The following TENM1 variants were observed in gnomAD, a reference collection of about 807,000 sequenced individuals.
TENM1 encodes teneurin transmembrane protein 1.
A neutral mutation model predicts 174.8 loss-of-function variants in TENM1; 35 were observed. The observed-to-expected ratio is 0.20, with a 90% confidence interval of 0.15 to 0.27. TENM1 has a LOEUF of 0.27. TENM1 is among the 10% of genes least tolerant of loss of function. TENM1 has a pLI of 1.00. For synonymous variants in TENM1, 781 were observed against 798.7 expected (o/e 0.98, Z 0.37); for missense variants, 1,633 against 2,130.1 (o/e 0.77, Z 4.59).
intron 6 of TENM1, among the ~76,000 whole-genome samples, chrX:124,658,474 A>C (rs2148408313): frequency 9.0e-6 from 1 of 111,288 alleles, no homozygotes; most frequent in South Asian, 3.8e-4. Context: ...TTTTTTTATT[A>C]CTCTCAACTA....
intron 22 of TENM1, among the ~76,000 whole-genome samples, chrX:124,479,315 T>G (rs1230195639): frequency 2.7e-5 from 3 of 112,131 alleles, no homozygotes; most frequent in Non-Finnish European, 5.6e-5. Flanking sequence ...CTGTCCCAGA[T>G]GGATTAGACA....
chrX:125,070,190 GTAATAA>G, the TENM1 span, among the ~76,000 whole-genome samples: 1,874 of 106,859 alleles, frequency 0.018, 37 homozygotes, highest in African/African-American at 0.052. Flanking sequence ...CCGTGTCCAA[GTAATAA>G]TAATAATAAT....
chrX:124,940,491 C>G (rs777549438), intron 1 of TENM1, among the ~76,000 whole-genome samples: 43 of 111,734 alleles, frequency 3.8e-4, no homozygotes, highest in Non-Finnish European at 7.7e-4. Flanking sequence ...TCTAAACTTT[C>G]TTTTGTTCCC....
chrX:124,860,209 C>T (rs2056887869), intron 3 of TENM1, among the ~76,000 whole-genome samples: 1 of 111,977 alleles, frequency 8.9e-6, no homozygotes. Flanking sequence ...TATTTGCGTA[C>T]AGGACTTTAG....
chrX:124,773,881 G>T (rs2148626761), intron 3 of TENM1, among the ~76,000 whole-genome samples: 1 of 112,088 alleles, frequency 8.9e-6, no homozygotes, highest in East Asian at 2.8e-4. Context: ...ATCAAGGATG[G>T]ATTTAGAGTT....
At chrX:125,148,505 G>A in the TENM1 span, among the ~76,000 whole-genome samples, 2 of 111,470 alleles carry the variant, frequency 1.8e-5, no homozygotes, top group Admixed American at 1.9e-4. Context: ...TATTCTATAT[G>A]CTTTCATTGA....
At chrX:124,688,816 T>A (rs2052441651) in intron 5 of TENM1, 1 of 111,821 alleles carries the variant, frequency 8.9e-6, no homozygotes, top group South Asian at 3.7e-4. Context: ...GGCATGACCA[T>A]TGTTCCTTCT....
intron 1 of TENM1, among the ~76,000 whole-genome samples, chrX:124,951,930 G>C (rs960737637): frequency 9.1e-6 from 1 of 109,766 alleles, no homozygotes; most frequent in Non-Finnish European, 1.9e-5. Context: ...TGGTCCATTG[G>C]CCAGATGCTT....
chrX:124,988,202 T>C, the TENM1 span, among the ~76,000 whole-genome samples: 5 of 111,709 alleles, frequency 4.5e-5, no homozygotes, highest in African/African-American at 1.6e-4. Flanking sequence ...TTATTCAGGC[T>C]TGACCAATTT....
At chrX:124,854,652 T>C (rs375829684) in intron 3 of TENM1, among the ~76,000 whole-genome samples, 1 of 111,725 alleles carries the variant, frequency 9.0e-6, no homozygotes, top group South Asian at 3.7e-4. Flanking sequence ...AAAATACCAA[T>C]TATAAAAAGT....
intron 5 of TENM1, among the ~76,000 whole-genome samples, chrX:124,690,484 A>AGAGT (rs1206405527): frequency 1.8e-4 from 17 of 93,490 alleles, no homozygotes; most frequent in African/African-American, 5.8e-4. Flanking sequence ...GCTTTGTTAG[A>AGAGT]GTGTGTGTGT....
At chrX:125,180,720 A>T in the TENM1 span, among the ~76,000 whole-genome samples, 2 of 110,061 alleles carry the variant, frequency 1.8e-5, no homozygotes, top group African/African-American at 6.6e-5. Context: ...AAGGAAATCC[A>T]TCTATATCTG....
chrX:124,958,561 C>T (rs1177413428), intron 1 of TENM1, among the ~76,000 whole-genome samples: 1 of 111,465 alleles, frequency 9.0e-6, no homozygotes, highest in African/African-American at 3.3e-5. Flanking sequence ...GATCATCACT[C>T]TCATGATGGC....
chrX:125,096,094 T>G, the TENM1 span, among the ~76,000 whole-genome samples: 1 of 111,853 alleles, frequency 8.9e-6, no homozygotes, highest in Non-Finnish European at 1.9e-5. Flanking sequence ...TGAATAAAGA[T>G]GAAGAGAGTA....
chrX:124,989,956 G>A, the TENM1 span, among the ~76,000 whole-genome samples: 3 of 111,499 alleles, frequency 2.7e-5, no homozygotes, highest in South Asian at 3.7e-4. Context: ...GCATCATCTC[G>A]TTACTTGAAA....
At chrX:124,961,031 T>C (rs946807029) in intron 1 of TENM1, among the ~76,000 whole-genome samples, 8 of 112,090 alleles carry the variant, frequency 7.1e-5, no homozygotes, top group South Asian at 3.7e-4. Context: ...ACATCACAAA[T>C]ATTTAATGTA....
At chrX:124,922,600 G>A (rs781212030) in intron 1 of TENM1, among the ~76,000 whole-genome samples, 78 of 109,886 alleles carry the variant, frequency 7.1e-4, no homozygotes, top group Middle Eastern at 4.7e-3. Context: ...AATTTATAGC[G>A]TTAAATGAAT....
chrX:124,396,179 C>T (rs766909311), intron 27 of TENM1, among the ~76,000 whole-genome samples: 19 of 111,084 alleles, frequency 1.7e-4, no homozygotes, highest in Non-Finnish European at 3.2e-4. Flanking sequence ...ATGTAAAATT[C>T]GGCTAAGAGC....
chrX:124,608,069 G>A (rs2050200874), intron 11 of TENM1, among the ~76,000 whole-genome samples: 1 of 111,206 alleles, frequency 9.0e-6, no homozygotes, highest in African/African-American at 3.3e-5. Flanking sequence ...TAAATCGATT[G>A]CTACAGTAAG....
Sources: gnomAD v4.1 joint callset for allele counts (sites outside exome capture counted in the v4.1 genomes callset) on GRCh38, gnomAD v4.1.1 for gene constraint, MANE v1.5 for transcripts, NCBI Gene and HGNC (gene_info 2026-07-23, HGNC 2026-07-21) for gene names.